Variants in KLHL4 observed in about 807,000 individuals in gnomAD.
KLHL4 encodes kelch-like protein 4.
A neutral mutation model predicts 45.8 loss-of-function variants in KLHL4; 17 were observed. The ratio of observed to expected loss-of-function variants is 0.37; its 90% CI spans 0.25 to 0.56. The LOEUF (loss-of-function observed/expected upper bound fraction) is 0.56. KLHL4 is among the 20% of genes least tolerant of loss of function. The pLI is 0.79. For synonymous variants in KLHL4, 224 were observed against 189.9 expected (o/e 1.18, Z -1.47); for missense variants, 544 against 544.9 (o/e 1.00, Z 0.02).
At chrX:87,628,193 G>A (rs1922992845) in intron 6 of KLHL4, among the ~76,000 whole-genome samples, 1 of 111,645 alleles carries the variant, frequency 9.0e-6, no homozygotes, top group Non-Finnish European at 1.9e-5. Context: ...TTACAATAAT[G>A]TTACCGTTAC....
intron 9 of KLHL4, among the ~76,000 whole-genome samples, chrX:87,656,070 G>A (rs1046128138): frequency 9.0e-6 from 1 of 111,003 alleles, no homozygotes; most frequent in Non-Finnish European, 1.9e-5. Context: ...TAGTCTGATG[G>A]CGTTTCCTTT....
In KLHL4 at chrX:87,637,347, C is replaced by A. The variant is rs191591435; in HGVS notation, c.1925+1572C>A. Among the ~76,000 whole-genome samples the A allele has an allele frequency of 5.0e-3, 559 of 111,763 alleles. 4 individuals are homozygous for A. The highest frequency in any genetic ancestry group is 0.017 in the African/African-American group (532 of 30,699). ...GAATCTGAACAGCAGCCCTTGAGTT[C>A]CAGATCTTCCCTCTGACATAGTCTA... On this transcript the variant is annotated intron_variant, in intron 9 of 10. Coordinates refer to ENST00000373119, the MANE Select transcript of KLHL4 (RefSeq NM_019117.5).
chrX:87,620,226 G>A (rs1366415413), intron 4 of KLHL4, among the ~76,000 whole-genome samples: 1 of 110,446 alleles, frequency 9.1e-6, no homozygotes, highest in Non-Finnish European at 1.9e-5. Context: ...GAATAGTTAA[G>A]CCAGGGCACA....
intron 9 of KLHL4, among the ~76,000 whole-genome samples, chrX:87,642,570 A>G (rs751933595): frequency 1.5e-3 from 166 of 112,332 alleles, no homozygotes; most frequent in African/African-American, 4.5e-3. Flanking sequence ...TATCTGAAAA[A>G]GAATTCAGGA....
chrX:87,551,621 C>A (rs1931825817), intron 1 of KLHL4, among the ~76,000 whole-genome samples: 1 of 74,555 alleles, frequency 1.3e-5, no homozygotes, highest in Non-Finnish European at 2.5e-5. Context: ...AAATAGAAAT[C>A]TTGTGTCATC....
In KLHL4 at chrX:87,607,502, C is replaced by T. The variant is rs143582190; in HGVS notation, c.423-6375C>T. On this transcript the variant is annotated intron_variant, in intron 1 of 10. Transcript: ENST00000373119. ...ATGTAGCATAATCAGAATCACATACCTGCATATGCCCTTAAATTCTCTTCT... is the reference window on the plus strand; with the variant it reads ...ATGTAGCATAATCAGAATCACATACTTGCATATGCCCTTAAATTCTCTTCT... Among the ~76,000 whole-genome samples, 378 of 111,810 alleles carry T rather than the reference C, an allele frequency of 3.4e-3. 1 individual carries two copies. Among genetic ancestry groups the T allele is most frequent in the Non-Finnish European group, 4.6e-3 (245 of 53,111 alleles).
chrX:87,610,789 T>C (rs902224423), intron 1 of KLHL4, among the ~76,000 whole-genome samples: 17 of 111,784 alleles, frequency 1.5e-4, no homozygotes, highest in Middle Eastern at 4.7e-3. Flanking sequence ...AACAAGCCTC[T>C]GTGGCTGAGC....
At chrX:87,625,167 A>G (rs1466712901) in intron 5 of KLHL4, among the ~76,000 whole-genome samples, 3 of 112,795 alleles carry the variant, frequency 2.7e-5, no homozygotes, top group African/African-American at 9.7e-5. Flanking sequence ...TAATGTGTCA[A>G]TTGAATAAAT....
intron 9 of KLHL4, among the ~76,000 whole-genome samples, chrX:87,652,813 C>T (rs1923861468): frequency 8.9e-6 from 1 of 111,992 alleles, no homozygotes; most frequent in African/African-American, 3.2e-5. Context: ...GATATCTTTT[C>T]AGCAGTGCCC....
chrX:87,583,156 G>A (rs775668167), intron 1 of KLHL4, among the ~76,000 whole-genome samples: 18 of 112,132 alleles, frequency 1.6e-4, no homozygotes, highest in African/African-American at 5.5e-4. Context: ...TAATTGGTGC[G>A]TTTTTACAGA....
Position 87,641,575 on chromosome X carries a change from G to A in KLHL4, c.1925+5800G>A, listed in dbSNP as rs765783922. 4.5e-5 allele frequency among the ~76,000 whole-genome samples: 5 copies of A among 111,672 alleles called. No homozygotes were observed. The South Asian group carries it at 1.9e-3, about 42-fold the overall frequency. On this transcript the variant is annotated intron_variant, in intron 9 of 10. Transcript: ENST00000373119. ...TCGGGGGAGGGCACAAATCTGGTGT[G>A]CAGACTCCACAGGTGGGGGAAGAAC...
At chrX:87,608,147 G>T (rs1251295992) in intron 1 of KLHL4, among the ~76,000 whole-genome samples, 1 of 111,437 alleles carries the variant, frequency 9.0e-6, no homozygotes, top group African/African-American at 3.3e-5. Context: ...AATCTATTTG[G>T]TTCTACTTTT....
At chrX:87,523,437 C>T (rs1254897681) in intron 1 of KLHL4, among the ~76,000 whole-genome samples, 1 of 111,342 alleles carries the variant, frequency 9.0e-6, no homozygotes. Flanking sequence ...AGTTAAAAAA[C>T]TTAAGTCAAA....
rs1458486414 is a variant in KLHL4, at chrX:87,607,423, A to G, written c.423-6454A>G. 2.7e-5 allele frequency among the ~76,000 whole-genome samples: 3 copies of G among 111,269 alleles called. No homozygotes were observed. In the Admixed American group the frequency reaches 2.9e-4, roughly 11 times the overall value. On this transcript the variant is annotated intron_variant, in intron 1 of 10. Coordinates refer to ENST00000373119, the MANE Select transcript of KLHL4 (RefSeq NM_019117.5). The stretch of plus-strand genomic sequence containing the variant: ...GCCCTATTGGGTCTGCCAACCCACT[A>G]ACTTTCACACATACCTAATGTCCTC...
intron 4 of KLHL4, among the ~76,000 whole-genome samples, chrX:87,619,548 G>T (rs897185462): frequency 9.0e-6 from 1 of 111,439 alleles, no homozygotes; most frequent in Non-Finnish European, 1.9e-5. Flanking sequence ...CAGTTATGAA[G>T]GTCAAAGGTT....
At chrX:87,641,083 G>A (rs1310655047) in intron 9 of KLHL4, among the ~76,000 whole-genome samples, 2 of 112,019 alleles carry the variant, frequency 1.8e-5, no homozygotes, top group Non-Finnish European at 3.8e-5. Flanking sequence ...AGACAGAGCA[G>A]CATGCAGAGG....
chrX:87,657,934 T>C (rs754930405), intron 9 of KLHL4, among the ~76,000 whole-genome samples: 1 of 110,816 alleles, frequency 9.0e-6, no homozygotes, highest in Admixed American at 9.5e-5. Context: ...CTAGAAGGAG[T>C]GGAGAAACCT....
At chrX:87,528,257 A>T (rs1377104596) in intron 1 of KLHL4, among the ~76,000 whole-genome samples, 3 of 111,727 alleles carry the variant, frequency 2.7e-5, no homozygotes, top group African/African-American at 9.7e-5. Flanking sequence ...AAATAAAAAT[A>T]CAATTGTAAG....
chrX:87,559,902 G>T (rs1018510891), intron 1 of KLHL4, among the ~76,000 whole-genome samples: 7 of 111,235 alleles, frequency 6.3e-5, no homozygotes, highest in Non-Finnish European at 9.4e-5. Flanking sequence ...TATCCAATAA[G>T]CCATAATGTA....
Sources: gnomAD v4.1 joint callset for allele counts (sites outside exome capture counted in the v4.1 genomes callset) on GRCh38, gnomAD v4.1.1 for gene constraint, MANE v1.5 for transcripts, NCBI Gene and HGNC (gene_info 2026-07-23, HGNC 2026-07-21) for gene names.